Variants in MAF observed in about 807,000 individuals in gnomAD.
MAF encodes the protein transcription factor Maf.
In MAF, 10 loss-of-function variants were observed where a neutral mutation model predicts 22.0. That is an observed-to-expected ratio of 0.45 (90% confidence interval 0.28 to 0.77). The LOEUF is 0.77. Among genes scored for constraint, MAF ranks in the 30% least tolerant of loss-of-function variants. The pLI is 0.12. For missense variants in MAF, 544 were observed against 548.4 expected, an observed-to-expected ratio of 0.99 and a Z score of 0.08; for synonymous variants, 337 against 255.8, an observed-to-expected ratio of 1.32 and a Z score of -3.03.
At chr16:79,471,946 C>A in the MAF span, among the ~76,000 whole-genome samples, 108 of 152,272 alleles carry the variant, frequency 7.1e-4, no homozygotes, top group Middle Eastern at 6.8e-3. Context: ...TGCAGACATG[C>A]TTTCTCCCTC....
chr16:79,250,774 A>G, the MAF span, among the ~76,000 whole-genome samples: 5 of 152,158 alleles, frequency 3.3e-5, no homozygotes, highest in Non-Finnish European at 7.3e-5. Flanking sequence ...TGATTCCATG[A>G]GCTTCGGTTT....
the MAF span, among the ~76,000 whole-genome samples, chr16:79,218,164 G>T: frequency 2.0e-5 from 3 of 151,998 alleles, no homozygotes; most frequent in Non-Finnish European, 4.4e-5. Flanking sequence ...GCTCTGAGTT[G>T]TATCTATAGA....
At chr16:79,347,612 G>C in the MAF span, among the ~76,000 whole-genome samples, 4 of 152,174 alleles carry the variant, frequency 2.6e-5, no homozygotes, top group Non-Finnish European at 5.9e-5. Context: ...CAGGGGAGGT[G>C]TCAGAGAAAG....
chr16:79,551,094 C>T, the MAF span, among the ~76,000 whole-genome samples: 10 of 152,150 alleles, frequency 6.6e-5, no homozygotes, highest in Non-Finnish European at 1.5e-4. Context: ...TGACAAGGAC[C>T]TCACCCTAGT....
At chr16:79,532,720 G>A in the MAF span, among the ~76,000 whole-genome samples, 5 of 152,304 alleles carry the variant, frequency 3.3e-5, no homozygotes, top group Middle Eastern at 3.4e-3. Context: ...GCGTGCATGC[G>A]TGAGTGCAGA....
At chr16:79,409,099 G>A in the MAF span, among the ~76,000 whole-genome samples, 1 of 152,036 alleles carries the variant, frequency 6.6e-6, no homozygotes, top group Non-Finnish European at 1.5e-5. Context: ...GACGGCATTG[G>A]AAGGATGATC....
chr16:79,373,683 G>A, the MAF span, among the ~76,000 whole-genome samples: 3 of 151,938 alleles, frequency 2.0e-5, no homozygotes, highest in East Asian at 1.9e-4. Context: ...CAGCCTGGTA[G>A]CTTCATAAGA....
At chr16:79,210,513 CT>C in the MAF span, among the ~76,000 whole-genome samples, 3 of 152,108 alleles carry the variant, frequency 2.0e-5, no homozygotes, top group Admixed American at 2.0e-4. Context: ...TAGTGTTTTC[CT>C]TGTGGGGGCG....
At chr16:79,502,749 A>ATT in the MAF span, among the ~76,000 whole-genome samples, 628 of 120,558 alleles carry the variant, frequency 5.2e-3, 12 homozygotes, top group Admixed American at 6.3e-3. Context: ...ATATATATAT[A>ATT]TATATAAAGA....
chr16:79,572,798 A>G, the MAF span, among the ~76,000 whole-genome samples: 1 of 152,184 alleles, frequency 6.6e-6, no homozygotes, highest in East Asian at 1.9e-4. Flanking sequence ...ACATAAACAC[A>G]CTGTTTATTC....
At chr16:79,285,185 C>T in the MAF span, among the ~76,000 whole-genome samples, 2 of 152,124 alleles carry the variant, frequency 1.3e-5, no homozygotes, top group African/African-American at 4.8e-5. Flanking sequence ...CTGCTCTCCC[C>T]AGCAGCTTTT....
the MAF span, among the ~76,000 whole-genome samples, chr16:79,530,466 A>G: frequency 6.6e-6 from 1 of 152,172 alleles, no homozygotes; most frequent in Non-Finnish European, 1.5e-5. Context: ...AAAAAATTTT[A>G]TTTTTGTTTT....
At chr16:79,244,315 C>T in the MAF span, among the ~76,000 whole-genome samples, 1 of 151,928 alleles carries the variant, frequency 6.6e-6, no homozygotes, top group South Asian at 2.1e-4. Flanking sequence ...ATTTAGAAAA[C>T]CCCATCATCT....
chr16:79,555,134 A>T, the MAF span, among the ~76,000 whole-genome samples: 1 of 152,188 alleles, frequency 6.6e-6, no homozygotes, highest in Admixed American at 6.5e-5. Flanking sequence ...GGCAGTGTCT[A>T]CTGTGAGCTG....
At chr16:79,223,035 GA>G in the MAF span, among the ~76,000 whole-genome samples, 1 of 152,144 alleles carries the variant, frequency 6.6e-6, no homozygotes, top group Non-Finnish European at 1.5e-5. Context: ...GACATTTACA[GA>G]ACTCTCCACC....
the MAF span, among the ~76,000 whole-genome samples, chr16:79,288,155 A>G: frequency 6.6e-6 from 1 of 152,124 alleles, no homozygotes; most frequent in Non-Finnish European, 1.5e-5. Flanking sequence ...TTCTTCAAGG[A>G]GATGATGACA....
chr16:79,383,490 A>C, the MAF span, among the ~76,000 whole-genome samples: 1 of 152,206 alleles, frequency 6.6e-6, no homozygotes. Context: ...GATTCTCACC[A>C]AGTTGGTTTT....
chr16:79,409,745 C>G, the MAF span, among the ~76,000 whole-genome samples: 1 of 152,160 alleles, frequency 6.6e-6, no homozygotes, highest in Non-Finnish European at 1.5e-5. Context: ...GACAGGAGAA[C>G]AAACTTAGAA....
At chr16:79,277,854 G>A in the MAF span, among the ~76,000 whole-genome samples, 1 of 152,260 alleles carries the variant, frequency 6.6e-6, no homozygotes, top group African/African-American at 2.4e-5. Context: ...CTGGTCTTTA[G>A]GAGGCATTAT....
Sources: allele counts gnomAD v4.1 joint callset (sites outside exome capture counted in the v4.1 genomes callset), GRCh38; gene constraint gnomAD v4.1.1; transcripts MANE v1.5; gene names NCBI Gene and HGNC (gene_info 2026-07-23, HGNC 2026-07-21).